RSL1D1: variants seen among roughly 807,000 people sequenced by gnomAD.
RSL1D1 encodes the protein ribosomal L1 domain-containing protein 1.
Under a neutral mutation model 44.6 loss-of-function variants are expected in RSL1D1, and 34 were observed. The observed-to-expected ratio is 0.76, with a 90% CI of 0.58 to 1.02. RSL1D1 has a LOEUF of 1.02. Among genes scored for constraint, RSL1D1 ranks in the 50% least tolerant of loss-of-function variants. RSL1D1 has a pLI of 0.00. For missense variants in RSL1D1, 767 were observed against 568.1 expected (o/e 1.35, Z -3.56); for synonymous variants, 271 against 207.4 (o/e 1.31, Z -2.63).
chr16:11,834,263 C>T lies in RSL1D1; in HGVS notation c.*3524G>A, dbSNP rs750526120. 6.6e-6 allele frequency: 1 copy of T among 152,198 alleles called. No individual in the cohort carries two copies. The highest frequency in any genetic ancestry group is 1.5e-5 in the Non-Finnish European group (1 of 68,044). 9.4% of individuals were successfully genotyped at this position (152,198 alleles called of 1,614,324 possible). Reference sequence around the variant, plus strand: ...GTATAAAAGCGATACATAATCAGTACAAACCATATACATACCACCATTTTT... The same window carrying T: ...GTATAAAAGCGATACATAATCAGTATAAACCATATACATACCACCATTTTT... On this transcript the variant is annotated 3_prime_UTR_variant, in exon 9 of 9. Transcript: ENST00000571133.
At chr16:11,851,258 G>A (rs946160676) in intron 1 of RSL1D1, 150 bp downstream of exon 1, 4 of 746,420 alleles carry the variant, frequency 5.4e-6, no homozygotes, top group Non-Finnish European at 9.5e-6. Context: ...CGTGTGTAAA[G>A]GGGAGAGACA....
At position 11,836,972 on chromosome 16, in the gene RSL1D1, T is replaced by C. The variant is rs1596436376; in HGVS notation, c.*815A>G. On this transcript the variant is annotated 3_prime_UTR_variant, in exon 9 of 9. Transcript: ENST00000571133. ...AACAGTATACTCAGAAGCAAAGCAA[T>C]GTTATACTTTGTTTTTTCTGAGACA... 1 of 152,074 alleles carries C rather than the reference T, an allele frequency of 6.6e-6. No homozygotes were observed. Among genetic ancestry groups the C allele is most frequent in the South Asian group, 2.1e-4 (1 of 4,824 alleles). The allele number at this position is 152,074 out of a possible 1,614,324, so 9.4% of individuals were successfully genotyped here.
At chr16:11,840,897 G>C (rs1260319282) in intron 7 of RSL1D1, among the ~76,000 whole-genome samples, 1 of 152,170 alleles carries the variant, frequency 6.6e-6, no homozygotes, top group African/African-American at 2.4e-5. Context: ...CCTTTTCCCT[G>C]AGCTATCAGG....
At chr16:11,848,766 T>C (rs1328466355) in intron 2 of RSL1D1, among the ~76,000 whole-genome samples, 1 of 152,102 alleles carries the variant, frequency 6.6e-6, no homozygotes, top group Non-Finnish European at 1.5e-5. Context: ...ACTGCTGAGA[T>C]TACAGTGTGA....
intron 8 of RSL1D1, among the ~76,000 whole-genome samples, 199 bp downstream of exon 8, chr16:11,839,496 C>T (rs1182067639): frequency 1.4e-5 from 2 of 144,198 alleles, no homozygotes; most frequent in Non-Finnish European, 3.0e-5. Context: ...GAGTGTAAGA[C>T]CGGTCTGGGC....
intron 3 of RSL1D1, chr16:11,847,440 G>A (rs2053806753): frequency 2.2e-6 from 1 of 446,218 alleles, no homozygotes. Context: ...CTACAAAACA[G>A]CAAATCAGAG....
At chr16:11,847,602 T>G (rs2053808070) in intron 3 of RSL1D1, 66 bp downstream of exon 3, 1 of 1,317,690 alleles carries the variant, frequency 7.6e-7, no homozygotes, top group African/African-American at 1.5e-5. Context: ...AGCAATGTAT[T>G]TGTGATACCA....
At position 11,838,866 on chromosome 16, in the gene RSL1D1, A is replaced by C. The variant is rs2053740894; in HGVS notation, c.1147-753T>G. Reference sequence around the variant, plus strand: ...AGTGAGACCTTGTCTCAAAAAAAAAAAACAAAAAAAAACTGTGAAGACCCA... The same window carrying C: ...AGTGAGACCTTGTCTCAAAAAAAAACAACAAAAAAAAACTGTGAAGACCCA... On this transcript the variant is annotated intron_variant, in intron 8 of 8. Transcript: ENST00000571133. Among the ~76,000 whole-genome samples the C allele has an allele frequency of 3.3e-5, 5 of 150,728 alleles. No individual in the cohort carries two copies. The South Asian group carries it at 1.0e-3, about 32-fold the overall frequency.
At chr16:11,850,519 C>T (rs1190778472) in intron 1 of RSL1D1, 101 bp from the exon 2 acceptor site, 1 of 1,223,336 alleles carries the variant, frequency 8.2e-7, no homozygotes, top group Non-Finnish European at 1.1e-6. Context: ...CCCCCTCCCA[C>T]ACCTTCTATT....
chr16:11,850,419 C>T lies in RSL1D1; in HGVS notation c.106-1G>A. 6.3e-7 allele frequency: 1 copy of T among 1,589,616 alleles called. No individual in the cohort carries two copies. Among genetic ancestry groups the T allele is most frequent in the Non-Finnish European group, 8.5e-7 (1 of 1,173,828 alleles). On this transcript the variant is annotated splice_acceptor_variant, in intron 1 of 8. Transcript: ENST00000571133. LOFTEE classifies it high-confidence loss of function. ...AGAGAGCGTCCACTGCCTTTCTAACCTGCAAAGTGGAAATTAGACAAATAA... is the reference window on the plus strand; with the variant it reads ...AGAGAGCGTCCACTGCCTTTCTAACTTGCAAAGTGGAAATTAGACAAATAA...
chr16:11,846,204 A>G (rs2053796543), intron 5 of RSL1D1, among the ~76,000 whole-genome samples: 1 of 151,494 alleles, frequency 6.6e-6, no homozygotes, highest in African/African-American at 2.4e-5. Flanking sequence ...CATCCTGGCT[A>G]ACTCGGTGAA....
chr16:11,840,355 C>T (rs1426252035), intron 7 of RSL1D1, among the ~76,000 whole-genome samples: 4 of 152,148 alleles, frequency 2.6e-5, no homozygotes, highest in Non-Finnish European at 5.9e-5. Context: ...CACTTGAGGT[C>T]AGGACTTCGA....
At chr16:11,850,453 T>C in intron 1 of RSL1D1, 35 bp from the exon 2 acceptor site, 1 of 1,582,440 alleles carries the variant, frequency 6.3e-7, no homozygotes, top group Non-Finnish European at 8.5e-7. Flanking sequence ...AAGTGAAATG[T>C]TTTCACAATA....
chr16:11,845,514 C>G (rs1273991201), intron 5 of RSL1D1, among the ~76,000 whole-genome samples: 7 of 152,160 alleles, frequency 4.6e-5, no homozygotes, highest in Non-Finnish European at 1.0e-4. Flanking sequence ...GTATCTGGAG[C>G]TGCCCCGTCC....
rs563783075 is a variant in RSL1D1, at chr16:11,847,664, C to T, written c.384+4G>A. ...AACTTGAAAATATTAACCAGGCTTC[C>T]TACCTGAGAAACGGTTTTAATTCCA... On this transcript the variant is annotated splice_donor_region_variant and intron_variant, in intron 3 of 8. Coordinates refer to ENST00000571133, the MANE Select transcript of RSL1D1 (RefSeq NM_015659.3). 17 of 1,604,474 alleles carry T rather than the reference C, an allele frequency of 1.1e-5. No individual in the cohort carries two copies. In the South Asian group the frequency reaches 1.9e-4, roughly 18 times the overall value.
intron 5 of RSL1D1, among the ~76,000 whole-genome samples, chr16:11,845,285 G>A (rs866615992): frequency 7.9e-5 from 12 of 152,208 alleles, no homozygotes; most frequent in Middle Eastern, 6.8e-3. Context: ...AGACCCCGCC[G>A]CTACAAAACA....
chr16:11,837,740 A>G lies in RSL1D1; in HGVS notation c.*47T>C, dbSNP rs766682711. On this transcript the variant is annotated 3_prime_UTR_variant, in exon 9 of 9. Transcript: ENST00000571133. ...GGCCAGGATCTGAGTATTTCCAAAA[A>G]GCTCTGGAGGCAGCATTGAGGTTTC... is the stretch of plus-strand genomic sequence containing the variant. The G allele has an allele frequency of 6.7e-7, 1 of 1,489,462 alleles. No individual in the cohort carries two copies. Among genetic ancestry groups the G allele is most frequent in the East Asian group, 2.3e-5 (1 of 44,060 alleles). 92.3% of individuals were successfully genotyped at this position (1,489,462 alleles called of 1,614,324 possible).
At chr16:11,850,565 C>A (rs7191810) in intron 1 of RSL1D1, 147 bp from the exon 2 acceptor site, 30,164 of 747,666 alleles carry the variant, frequency 0.04, 1,670 homozygotes, top group Admixed American at 0.18. Flanking sequence ...GGGGTAACCT[C>A]CATAACCGTA....
At chr16:11,841,497 G>A (rs766534673) in intron 7 of RSL1D1, 198 bp downstream of exon 7, 24 of 512,364 alleles carry the variant, frequency 4.7e-5, no homozygotes, top group South Asian at 1.3e-4. Context: ...ATCTTAATGC[G>A]CATTACTAAC....
Sources: allele counts gnomAD v4.1 joint callset (sites outside exome capture counted in the v4.1 genomes callset), GRCh38; gene constraint gnomAD v4.1.1; transcripts MANE v1.5; gene names NCBI Gene and HGNC (gene_info 2026-07-23, HGNC 2026-07-21).